The following CSMD1 variants were observed in gnomAD, a reference collection of about 807,000 sequenced individuals.
CSMD1 encodes the protein CUB and sushi domain-containing protein 1.
A neutral mutation model predicts 417.5 loss-of-function variants in CSMD1; 213 were observed. That is an observed-to-expected ratio of 0.51 (90% CI 0.46 to 0.57). The LOEUF is 0.57. Ranked by LOEUF, CSMD1 falls within the 20% of genes least tolerant of loss-of-function variation. CSMD1 has a pLI of 0.00. For synonymous variants in CSMD1, 2,862 were observed against 1,736.8 expected, an observed-to-expected ratio of 1.65 and a Z score of -16.11; for missense variants, 6,923 against 4,529.7, an observed-to-expected ratio of 1.53 and a Z score of -15.17.
intron 2 of CSMD1, among the ~76,000 whole-genome samples, chr8:4,436,905 A>G (rs1336039054): frequency 6.6e-6 from 1 of 152,132 alleles, no homozygotes; most frequent in Non-Finnish European, 1.5e-5. Context: ...CATTTTCTTT[A>G]TCCATTCATC....
intron 3 of CSMD1, among the ~76,000 whole-genome samples, chr8:4,327,005 T>C (rs73660750): frequency 0.012 from 1,823 of 152,066 alleles, 28 homozygotes; most frequent in African/African-American, 0.041. Context: ...AACGAAAGAA[T>C]TGGGAGAACC....
chr8:4,663,133 G>A (rs1301609886), intron 1 of CSMD1, among the ~76,000 whole-genome samples: 2 of 152,104 alleles, frequency 1.3e-5, no homozygotes, highest in Non-Finnish European at 2.9e-5. Flanking sequence ...CCACGGAGAA[G>A]GGATCTGTGT....
At chr8:3,050,945 TAGC>T (rs1811780564) in intron 50 of CSMD1, among the ~76,000 whole-genome samples, 1 of 152,106 alleles carries the variant, frequency 6.6e-6, no homozygotes, top group Admixed American at 6.6e-5. Flanking sequence ...AGTAAAAAAA[TAGC>T]AGATACTGGT....
intron 5 of CSMD1, among the ~76,000 whole-genome samples, chr8:3,829,195 C>A (rs1254639484): frequency 6.6e-6 from 1 of 152,116 alleles, no homozygotes; most frequent in African/African-American, 2.4e-5. Flanking sequence ...ACTTTTCCCC[C>A]AAGTCCTCAA....
chr8:3,969,684 T>G (rs1054794312), intron 5 of CSMD1, among the ~76,000 whole-genome samples: 1 of 152,194 alleles, frequency 6.6e-6, no homozygotes, highest in Non-Finnish European at 1.5e-5. Flanking sequence ...ATGTCAGTAG[T>G]GGACATGGTT....
In CSMD1 at chr8:4,789,041, C is replaced by T. The variant is rs532588854; in HGVS notation, c.86-151483G>A. ...ACTACCAGGGTCTCACTCCTTGTTCCACAGTTTATTTATTCAACTTCTTGG... is the reference window on the plus strand; with the variant it reads ...ACTACCAGGGTCTCACTCCTTGTTCTACAGTTTATTTATTCAACTTCTTGG... On this transcript the variant is annotated intron_variant, in intron 1 of 69. Transcript: ENST00000635120. 4.6e-5 allele frequency among the ~76,000 whole-genome samples: 7 copies of T among 152,262 alleles called. No homozygotes were observed. In the East Asian group the frequency reaches 5.8e-4, roughly 13 times the overall value.
intron 54 of CSMD1, among the ~76,000 whole-genome samples, chr8:2,979,817 T>A (rs1318518165): frequency 6.6e-6 from 1 of 152,224 alleles, no homozygotes. Context: ...TGAGTTCTTT[T>A]GAATCAAAAA....
chr8:3,683,458 C>T (rs1799774502), intron 7 of CSMD1, among the ~76,000 whole-genome samples: 1 of 152,128 alleles, frequency 6.6e-6, no homozygotes, highest in Non-Finnish European at 1.5e-5. Flanking sequence ...GAATTAGAAT[C>T]CTCCATTTCT....
At chr8:4,759,952 G>A (rs575137241) in intron 1 of CSMD1, among the ~76,000 whole-genome samples, 2 of 152,246 alleles carry the variant, frequency 1.3e-5, no homozygotes, top group South Asian at 2.1e-4. Flanking sequence ...TAGGTCAAAG[G>A]GTATTTCTGG....
intron 5 of CSMD1, among the ~76,000 whole-genome samples, chr8:3,970,670 G>T (rs1275044236): frequency 6.6e-6 from 1 of 152,152 alleles, no homozygotes; most frequent in African/African-American, 2.4e-5. Context: ...GTAGCACGTG[G>T]AACCTCTAAT....
At chr8:3,332,953 C>T (rs188345942) in intron 23 of CSMD1, among the ~76,000 whole-genome samples, 7 of 152,194 alleles carry the variant, frequency 4.6e-5, no homozygotes, top group African/African-American at 7.2e-5. Context: ...TGTCAAGATA[C>T]GGAGCCTGAC....
At chr8:3,511,999 C>T (rs192287026) in intron 10 of CSMD1, among the ~76,000 whole-genome samples, 4 of 152,084 alleles carry the variant, frequency 2.6e-5, no homozygotes, top group East Asian at 1.9e-4. Flanking sequence ...GAGTTTACAA[C>T]GTTTCATTTC....
chr8:4,164,088 C>T (rs1405338860), intron 3 of CSMD1, among the ~76,000 whole-genome samples: 3 of 149,076 alleles, frequency 2.0e-5, no homozygotes, highest in African/African-American at 5.0e-5. Flanking sequence ...AACTCCAATA[C>T]TTATCATGTT....
chr8:4,038,802 C>A (rs1159393013), intron 3 of CSMD1, among the ~76,000 whole-genome samples: 2 of 152,190 alleles, frequency 1.3e-5, no homozygotes, highest in African/African-American at 2.4e-5. Context: ...CAGTTGTTTT[C>A]TCTCATGGCA....
chr8:4,940,052 A>G lies in CSMD1; in HGVS notation c.85+54280T>C, dbSNP rs114230604. Reference sequence around the variant, plus strand: ...GCCTGCACTCCCGTCAGAGAAGACAAGAGCTGAGGTAGGAGAACCGGGCAG... The same window carrying G: ...GCCTGCACTCCCGTCAGAGAAGACAGGAGCTGAGGTAGGAGAACCGGGCAG... On this transcript the variant is annotated intron_variant, in intron 1 of 69. Transcript: ENST00000635120. Among the ~76,000 whole-genome samples the G allele has an allele frequency of 6.7e-3, 1,014 of 152,312 alleles. 8 individuals are homozygous for G. Among genetic ancestry groups the G allele is most frequent in the African/African-American group, 0.023 (969 of 41,572 alleles).
At position 4,036,425 on chromosome 8, in the gene CSMD1, G is replaced by A. The variant is rs1428055496; in HGVS notation, c.416-4326C>T. On this transcript the variant is annotated intron_variant, in intron 3 of 69. Transcript: ENST00000635120. The stretch of plus-strand genomic sequence containing the variant: ...TGTATTGACTTACATATTTCTGAAG[G>A]AAAAATATCATTAATGAATATGAGT... Among the ~76,000 whole-genome samples the A allele has an allele frequency of 2.0e-5, 3 of 152,180 alleles. No individual in the cohort carries two copies. The South Asian group carries it at 6.2e-4, about 32-fold the overall frequency.
intron 3 of CSMD1, among the ~76,000 whole-genome samples, chr8:4,324,380 G>A (rs1225574561): frequency 6.6e-6 from 1 of 152,200 alleles, no homozygotes; most frequent in Admixed American, 6.5e-5. Context: ...GACACCAGAG[G>A]TGGGGCAGGA....
chr8:3,634,878 T>C (rs562182109), intron 7 of CSMD1, among the ~76,000 whole-genome samples: 18 of 152,228 alleles, frequency 1.2e-4, no homozygotes, highest in African/African-American at 2.4e-4. Context: ...CAATCCTAGA[T>C]AGTAGAGCCT....
Position 3,110,251 on chromosome 8 carries a change from C to T in CSMD1, c.6515G>A (p.Cys2172Tyr), listed in dbSNP as rs1753637019. 6.2e-7 allele frequency: 1 copy of T among 1,613,248 alleles called. No homozygotes were observed. The highest frequency in any genetic ancestry group is 8.5e-7 in the Non-Finnish European group (1 of 1,179,640). The stretch of plus-strand genomic sequence containing the variant: ...TGGAGGCACCGTGATGAGCCAAATG[C>T]AGTCCTTCAGGATCGGATACTCATC... Reference protein sequence around the residue: ...FPDEYPILKDCIWLITVPPGH... With the variant: ...FPDEYPILKDYIWLITVPPGH... The change falls in exon 43 of 70, where the codon TGC becomes TAC. Residue 2172 changes from cysteine (C) to tyrosine (Y), a missense_variant. By Grantham distance (194) the Cys-to-Tyr change is radical (BLOSUM62 -2). Coordinates refer to ENST00000635120, the MANE Select transcript of CSMD1 (RefSeq NM_033225.6).
Sources: gnomAD v4.1 joint callset for allele counts (sites outside exome capture counted in the v4.1 genomes callset) on GRCh38, gnomAD v4.1.1 for gene constraint, MANE v1.5 for transcripts, NCBI Gene and HGNC (gene_info 2026-07-23, HGNC 2026-07-21) for gene names.